Variants in B4GALT5 observed in about 807,000 individuals in gnomAD.
B4GALT5 encodes UDP-Gal:beta-GlcNAc beta-1,4-galactosyltransferase 5.
Under a neutral mutation model 45.0 loss-of-function variants are expected in B4GALT5, and 11 were observed. That is an observed-to-expected ratio of 0.24 (90% confidence interval 0.15 to 0.40). B4GALT5 has a LOEUF of 0.40. B4GALT5 is among the 10% of genes least tolerant of loss of function. The pLI is 1.00. For synonymous variants in B4GALT5, 185 were observed against 182.9 expected (o/e 1.01, Z -0.09); for missense variants, 337 against 500.2 (o/e 0.67, Z 3.11).
intron 1 of B4GALT5, among the ~76,000 whole-genome samples, chr20:49,705,884 A>G (rs188521168): frequency 1.3e-3 from 191 of 152,144 alleles, no homozygotes; most frequent in African/African-American, 4.5e-3. Flanking sequence ...TATGGTTATA[A>G]ATAAGAATCA....
intron 1 of B4GALT5, among the ~76,000 whole-genome samples, chr20:49,668,326 CA>C (rs746535283): frequency 3.3e-5 from 5 of 151,998 alleles, no homozygotes; most frequent in Non-Finnish European, 7.4e-5. Context: ...TTAAACTGTA[CA>C]TAAGATTAGA....
intron 1 of B4GALT5, among the ~76,000 whole-genome samples, chr20:49,685,191 T>G (rs1454787794): frequency 6.6e-6 from 1 of 152,168 alleles, no homozygotes; most frequent in Admixed American, 6.5e-5. Context: ...CCAAGTTTGT[T>G]AAGATGTGTT....
chr20:49,660,263 C>A (rs1937992073), intron 1 of B4GALT5, among the ~76,000 whole-genome samples: 1 of 152,200 alleles, frequency 6.6e-6, no homozygotes, highest in Admixed American at 6.5e-5. Context: ...CACAAACCAC[C>A]AGCAGCCCTG....
intron 7 of B4GALT5, among the ~76,000 whole-genome samples, chr20:49,637,995 A>G (rs76904510): frequency 0.11 from 16,527 of 150,998 alleles, 1,016 homozygotes; most frequent in East Asian, 0.16. Context: ...CAAAATGGGG[A>G]TTAATACTTA....
At position 49,657,384 on chromosome 20, in the gene B4GALT5, A is replaced by G. The variant is rs150580165; in HGVS notation, c.116-682T>C. On this transcript the variant is annotated intron_variant, in intron 1 of 8. Coordinates refer to ENST00000371711, the MANE Select transcript of B4GALT5 (RefSeq NM_004776.4). ...AATGAGTGTTCAGATTAACCTGCCA[A>G]TCTTGTCTTCTTTGGAAAGTGATCT... 2.0e-3 allele frequency among the ~76,000 whole-genome samples: 299 copies of G among 152,304 alleles called. 1 individual carries two copies. The highest frequency in any genetic ancestry group is 6.8e-3 in the African/African-American group (283 of 41,558).
In B4GALT5 at chr20:49,635,947, TCCACGGCAGGA is replaced by T. The variant is rs150496601; in HGVS notation, c.*354_*364del. 5,773 of 219,124 alleles carry T rather than the reference TCCACGGCAGGA, an allele frequency of 0.026. 108 individuals are homozygous for T. The highest frequency in any genetic ancestry group is 0.08 in the East Asian group (622 of 7,748). The allele number at this position is 219,124 out of a possible 1,614,324, so 13.6% of individuals were successfully genotyped here. On this transcript the variant is annotated 3_prime_UTR_variant, in exon 9 of 9. Coordinates refer to ENST00000371711, the MANE Select transcript of B4GALT5 (RefSeq NM_004776.4). ...TCCAAGGTCATGTGTAGGGACAGGC[TCCACGGCAGGA>T]CCACGGCAGGACCACGGCAGATCAC... is the stretch of plus-strand genomic sequence containing the variant.
intron 1 of B4GALT5, 143 bp from the exon 2 acceptor site, chr20:49,656,845 C>G (rs1253016068): frequency 1.9e-6 from 2 of 1,073,868 alleles, no homozygotes; most frequent in Non-Finnish European, 2.6e-6. Context: ...GACCATAACT[C>G]TATTTTCCAT....
chr20:49,645,577 C>G (rs943475192), intron 3 of B4GALT5, among the ~76,000 whole-genome samples: 1 of 151,920 alleles, frequency 6.6e-6, no homozygotes, highest in Non-Finnish European at 1.5e-5. Flanking sequence ...GGTGAATTCC[C>G]ATCTCTACTA....
chr20:49,642,974 G>GGAACACATCC (rs1489101089), intron 4 of B4GALT5, among the ~76,000 whole-genome samples: 2 of 152,228 alleles, frequency 1.3e-5, no homozygotes, highest in African/African-American at 4.8e-5. Context: ...CCAGCGATGG[G>GGAACACATCC]CTGGATACTG....
At chr20:49,700,052 A>C (rs1219313686) in intron 1 of B4GALT5, among the ~76,000 whole-genome samples, 1 of 152,210 alleles carries the variant, frequency 6.6e-6, no homozygotes, top group Non-Finnish European at 1.5e-5. Context: ...AAGACTCAAA[A>C]GAATGTAACC....
At chr20:49,704,441 C>T (rs540932334) in intron 1 of B4GALT5, among the ~76,000 whole-genome samples, 51 of 152,164 alleles carry the variant, frequency 3.4e-4, no homozygotes, top group Admixed American at 1.0e-3. Flanking sequence ...ACATTGCGGC[C>T]GGGCGCGGTG....
rs567350975 is a variant in B4GALT5 at position 49,655,975 on chromosome 20, A to T, written c.250+593T>A. On this transcript the variant is annotated intron_variant, in intron 2 of 8. Transcript: ENST00000371711. ...GTAGTCATCCAGTCACTCTTAATGTATTATGCTATAGTTTAAATGTCTGTC... is the reference window on the plus strand; with the variant it reads ...GTAGTCATCCAGTCACTCTTAATGTTTTATGCTATAGTTTAAATGTCTGTC... 4.0e-5 allele frequency among the ~76,000 whole-genome samples: 6 copies of T among 150,994 alleles called. No individual in the cohort carries two copies. In the South Asian group the frequency reaches 1.3e-3, roughly 32 times the overall value.
intron 2 of B4GALT5, 123 bp from the exon 3 acceptor site, chr20:49,647,201 G>A: frequency 1.7e-6 from 1 of 600,046 alleles, no homozygotes; most frequent in Non-Finnish European, 3.0e-6. Flanking sequence ...ACAGGACTCT[G>A]GACTACCGCT....
At chr20:49,661,234 TTTTTTC>T (rs539989703) in intron 1 of B4GALT5, among the ~76,000 whole-genome samples, 39 of 152,252 alleles carry the variant, frequency 2.6e-4, no homozygotes, top group Middle Eastern at 6.8e-3. Context: ...TTTACTTTGT[TTTTTTC>T]TTTTTGTTTT....
At chr20:49,665,450 TAATAATAATAA>T (rs2085686191) in intron 1 of B4GALT5, among the ~76,000 whole-genome samples, 1 of 126,972 alleles carries the variant, frequency 7.9e-6, no homozygotes, top group Non-Finnish European at 1.6e-5. Context: ...GTAATAATAA[TAATAATAATAA>T]TAATAATAAT....
chr20:49,713,301 G>A (rs988117245), intron 1 of B4GALT5, among the ~76,000 whole-genome samples: 1 of 151,932 alleles, frequency 6.6e-6, no homozygotes, highest in Admixed American at 6.6e-5. Flanking sequence ...CGGAGCAAGG[G>A]GCGGGCGTGA....
intron 1 of B4GALT5, among the ~76,000 whole-genome samples, chr20:49,672,173 A>G (rs1302265505): frequency 6.6e-6 from 1 of 152,150 alleles, no homozygotes; most frequent in Admixed American, 6.6e-5. Context: ...TTCATGTCCT[A>G]TGGGGATAAT....
chr20:49,674,528 CT>C lies in B4GALT5; in HGVS notation c.116-17827del, dbSNP rs1459368114. ...ATTACAAAATCCCAGGAATTAGTAACTTTTTTTAGTGAGTCTGCAAATGTTA... is the reference window on the plus strand; with the variant it reads ...ATTACAAAATCCCAGGAATTAGTAACTTTTTTAGTGAGTCTGCAAATGTTA... On this transcript the variant is annotated intron_variant, in intron 1 of 8. Transcript: ENST00000371711. Among the ~76,000 whole-genome samples the C allele has an allele frequency of 4.6e-5, 7 of 151,848 alleles. No individual in the cohort carries two copies. The South Asian group carries it at 1.5e-3, about 32-fold the overall frequency.
In B4GALT5 at chr20:49,656,555, A is replaced by G. The variant is rs1327779847; in HGVS notation, c.250+13T>C. The G allele has an allele frequency of 6.2e-7, 1 of 1,613,972 alleles. No homozygotes were observed. The highest frequency in any genetic ancestry group is 1.1e-5 in the South Asian group (1 of 91,066). On this transcript the variant is annotated intron_variant, in intron 2 of 8. Transcript: ENST00000371711. ...GACATTCTAATCAGACCACCTCTTT[A>G]CTAAAAATATACCTGAGTCATTTAC...
Sources: gnomAD v4.1 joint callset for allele counts (sites outside exome capture counted in the v4.1 genomes callset) on GRCh38, gnomAD v4.1.1 for gene constraint, MANE v1.5 for transcripts, NCBI Gene and HGNC (gene_info 2026-07-23, HGNC 2026-07-21) for gene names.